KCND2: variants seen among roughly 807,000 people sequenced by gnomAD.
KCND2 encodes A-type voltage-gated potassium channel KCND2.
Under a neutral mutation model 54.4 loss-of-function variants are expected in KCND2, and 16 were observed. The ratio of observed to expected loss-of-function variants is 0.29; its 90% CI spans 0.20 to 0.45. KCND2 has a LOEUF of 0.45. Among genes scored for constraint, KCND2 ranks in the 20% least tolerant of loss-of-function variants. KCND2 has a pLI of 1.00. For missense variants in KCND2, 486 were observed against 824.2 expected (o/e 0.59, Z 5.02); for synonymous variants, 317 against 310.7 (o/e 1.02, Z -0.21).
At position 120,628,200 on chromosome 7, in the gene KCND2, G is replaced by A. The variant is rs527691897; in HGVS notation, c.1116-104703G>A. ...GCCAATTGCATTATAAAAAATAAGC[G>A]AACACTCAAATAACTTAGGCAGATT... On this transcript the variant is annotated intron_variant, in intron 1 of 5. Coordinates refer to ENST00000331113, the MANE Select transcript of KCND2 (RefSeq NM_012281.3). 9.9e-5 allele frequency among the ~76,000 whole-genome samples: 15 copies of A among 152,252 alleles called. No individual in the cohort carries two copies. In the South Asian group the frequency reaches 2.1e-3, roughly 21 times the overall value.
intron 1 of KCND2, among the ~76,000 whole-genome samples, chr7:120,607,497 A>G (rs1171450915): frequency 2.0e-5 from 3 of 150,786 alleles, no homozygotes; most frequent in Non-Finnish European, 4.4e-5. Flanking sequence ...TTTCATCTCT[A>G]TTTCTTTATC....
intron 1 of KCND2, among the ~76,000 whole-genome samples, chr7:120,436,262 T>C (rs1413864454): frequency 1.3e-5 from 2 of 152,218 alleles, no homozygotes. Flanking sequence ...AATATTTTCG[T>C]AATGGACTTT....
intron 1 of KCND2, among the ~76,000 whole-genome samples, chr7:120,461,480 C>G (rs957739895): frequency 1.3e-5 from 2 of 152,272 alleles, no homozygotes; most frequent in Admixed American, 6.5e-5. Flanking sequence ...CCCACAGATT[C>G]TTACACCAAT....
intron 1 of KCND2, among the ~76,000 whole-genome samples, chr7:120,722,523 T>G (rs1792681081): frequency 6.6e-6 from 1 of 152,218 alleles, no homozygotes; most frequent in Admixed American, 6.5e-5. Flanking sequence ...TTGTGCATTC[T>G]TTTCTGTGAC....
chr7:120,509,614 C>T (rs1803081611), intron 1 of KCND2, among the ~76,000 whole-genome samples: 1 of 151,946 alleles, frequency 6.6e-6, no homozygotes, highest in Admixed American at 6.6e-5. Flanking sequence ...CAAATGCTGT[C>T]TTAATTTTGT....
chr7:120,730,929 A>T lies in KCND2; in HGVS notation c.1116-1974A>T, dbSNP rs577473992. Among the ~76,000 whole-genome samples the T allele has an allele frequency of 9.8e-5, 15 of 152,300 alleles. No individual in the cohort carries two copies. In the South Asian group the frequency reaches 3.1e-3, roughly 32 times the overall value. On this transcript the variant is annotated intron_variant, in intron 1 of 5. Transcript: ENST00000331113. ...TCCTCCTAAACTCCCTTGAGCATGG[A>T]TTCTAGTATGTGAGTTCCTTTGATC...
intron 1 of KCND2, among the ~76,000 whole-genome samples, chr7:120,278,095 T>C (rs1044385420): frequency 2.0e-5 from 3 of 151,972 alleles, no homozygotes; most frequent in South Asian, 4.1e-4. Context: ...TGAGAACATA[T>C]ATGGACACTT....
intron 1 of KCND2, among the ~76,000 whole-genome samples, chr7:120,588,402 AGTGTGTGTGTGT>A (rs3993713): frequency 2.1e-4 from 30 of 141,408 alleles, no homozygotes; most frequent in African/African-American, 5.5e-4. Context: ...GCAACTGTGC[AGTGTGTGTGTGT>A]GTGTGTGTGT....
chr7:120,670,052 T>A (rs539516876), intron 1 of KCND2, among the ~76,000 whole-genome samples: 1 of 152,190 alleles, frequency 6.6e-6, no homozygotes, highest in East Asian at 1.9e-4. Flanking sequence ...TTGGGAACAG[T>A]GTACACTGCT....
chr7:120,630,977 C>T (rs1793226989), intron 1 of KCND2, among the ~76,000 whole-genome samples: 1 of 152,146 alleles, frequency 6.6e-6, no homozygotes, highest in Non-Finnish European at 1.5e-5. Context: ...GTGATTACAT[C>T]AGCCTTAAGG....
At chr7:120,712,671 T>C (rs1443435961) in intron 1 of KCND2, among the ~76,000 whole-genome samples, 2 of 152,100 alleles carry the variant, frequency 1.3e-5, no homozygotes, top group Non-Finnish European at 2.9e-5. Flanking sequence ...GCAAAACATG[T>C]CCATCTAAGA....
chr7:120,632,161 A>G (rs1045108230), intron 1 of KCND2, among the ~76,000 whole-genome samples: 1 of 152,196 alleles, frequency 6.6e-6, no homozygotes, highest in Admixed American at 6.5e-5. Flanking sequence ...ATAATGCAGC[A>G]TCTGCTATTA....
At chr7:120,746,215 G>A (rs1793004553) in intron 5 of KCND2, among the ~76,000 whole-genome samples, 188 bp downstream of exon 5, 1 of 152,072 alleles carries the variant, frequency 6.6e-6, no homozygotes, top group Non-Finnish European at 1.5e-5. Context: ...TAAAAATAGT[G>A]GTTATATCAG....
At position 120,405,892 on chromosome 7, in the gene KCND2, A is replaced by G. The variant is rs188892801; in HGVS notation, c.1115+130145A>G. Among the ~76,000 whole-genome samples, 32 of 152,202 alleles carry G rather than the reference A, an allele frequency of 2.1e-4. No homozygotes were observed. The East Asian group carries it at 4.4e-3, about 21-fold the overall frequency. On this transcript the variant is annotated intron_variant, in intron 1 of 5. Coordinates refer to ENST00000331113, the MANE Select transcript of KCND2 (RefSeq NM_012281.3). ...GAAAATTCCATATGCTAGTGAAACTATAAATTGCATTGAGTGTTTATTGGT... is the reference window on the plus strand; with the variant it reads ...GAAAATTCCATATGCTAGTGAAACTGTAAATTGCATTGAGTGTTTATTGGT...
chr7:120,595,487 A>G (rs1267742464), intron 1 of KCND2, among the ~76,000 whole-genome samples: 4 of 144,168 alleles, frequency 2.8e-5, no homozygotes, highest in African/African-American at 1.0e-4. Flanking sequence ...ATATGTGTAT[A>G]TATATATATA....
chr7:120,655,835 G>C (rs1241217889), intron 1 of KCND2, among the ~76,000 whole-genome samples: 3 of 151,974 alleles, frequency 2.0e-5, no homozygotes, highest in Non-Finnish European at 2.9e-5. Flanking sequence ...TAATTTTAAA[G>C]ATCCTAAAAC....
At chr7:120,731,120 A>G (rs1281217003) in intron 1 of KCND2, among the ~76,000 whole-genome samples, 1 of 152,188 alleles carries the variant, frequency 6.6e-6, no homozygotes. Flanking sequence ...CAAAGTCTCC[A>G]TCAGTAAAGA....
chr7:120,285,098 A>G (rs933263307), intron 1 of KCND2, among the ~76,000 whole-genome samples: 5 of 152,184 alleles, frequency 3.3e-5, no homozygotes, highest in African/African-American at 1.2e-4. Context: ...AATAAAGCGT[A>G]GCAGTTGTAA....
At chr7:120,540,557 C>T (rs1339820250) in intron 1 of KCND2, among the ~76,000 whole-genome samples, 5 of 152,054 alleles carry the variant, frequency 3.3e-5, no homozygotes, top group Non-Finnish European at 7.4e-5. Context: ...TAATTAGAGC[C>T]TCAGACATTT....
Sources: gnomAD v4.1 joint callset for allele counts (sites outside exome capture counted in the v4.1 genomes callset) on GRCh38, gnomAD v4.1.1 for gene constraint, MANE v1.5 for transcripts, NCBI Gene and HGNC (gene_info 2026-07-23, HGNC 2026-07-21) for gene names.